Variants in FAM107B observed in about 807,000 individuals in gnomAD.
FAM107B encodes the protein family with sequence similarity 107 member B.
Under a neutral mutation model 31.5 loss-of-function variants are expected in FAM107B, and 21 were observed. The observed-to-expected ratio is 0.67, with a 90% CI of 0.47 to 0.96. The LOEUF (loss-of-function observed/expected upper bound fraction) is 0.96. Ranked by LOEUF, FAM107B falls within the 40% of genes least tolerant of loss-of-function variation. The pLI, the probability that FAM107B is intolerant of heterozygous loss-of-function variation, is 0.00. For synonymous variants in FAM107B, 157 were observed against 141.5 expected (o/e 1.11, Z -0.78); for missense variants, 452 against 377.1 (o/e 1.20, Z -1.64).
intron 1 of FAM107B, among the ~76,000 whole-genome samples, chr10:14,743,755 A>G (rs1439311607): frequency 2.0e-5 from 3 of 152,182 alleles, no homozygotes; most frequent in Non-Finnish European, 4.4e-5. Flanking sequence ...TGGTTACTGT[A>G]GCCTTGTAGT....
chr10:14,728,968 T>TCAAC (rs1282652745), intron 1 of FAM107B, among the ~76,000 whole-genome samples: 3 of 152,164 alleles, frequency 2.0e-5, no homozygotes, highest in Non-Finnish European at 4.4e-5. Context: ...TGTTCAATTC[T>TCAAC]CAACTCTTCA....
intron 1 of FAM107B, among the ~76,000 whole-genome samples, chr10:14,747,968 G>T (rs1465737353): frequency 1.3e-5 from 2 of 152,152 alleles, no homozygotes; most frequent in African/African-American, 4.8e-5. Context: ...GCAACCACAT[G>T]CAGCTACAGT....
intron 1 of FAM107B, among the ~76,000 whole-genome samples, chr10:14,741,280 G>A (rs1368821080): frequency 1.3e-5 from 2 of 152,168 alleles, no homozygotes; most frequent in Non-Finnish European, 2.9e-5. Flanking sequence ...AAAGGAGTAA[G>A]GCTTGGAGTG....
chr10:14,606,028 C>A (rs1158523536), intron 2 of FAM107B, among the ~76,000 whole-genome samples: 1 of 152,128 alleles, frequency 6.6e-6, no homozygotes, highest in East Asian at 1.9e-4. Context: ...TGCAAGTGAA[C>A]TTTCCAGGTG....
chr10:14,645,261 C>G (rs1299807604), intron 2 of FAM107B, among the ~76,000 whole-genome samples: 1 of 152,162 alleles, frequency 6.6e-6, no homozygotes, highest in Non-Finnish European at 1.5e-5. Context: ...ACTTATTTGG[C>G]TACAAAAAGC....
At chr10:14,603,707 G>C (rs1164822230) in intron 2 of FAM107B, among the ~76,000 whole-genome samples, 1 of 152,204 alleles carries the variant, frequency 6.6e-6, no homozygotes, top group Non-Finnish European at 1.5e-5. Flanking sequence ...GGGAGAAAGA[G>C]AAGAGGCAAA....
At chr10:14,553,173 C>T (rs1849412232) in intron 2 of FAM107B, 1 of 242,090 alleles carries the variant, frequency 4.1e-6, no homozygotes, top group Admixed American at 5.8e-5. Context: ...ATAATCTCAA[C>T]TCTTTTTACC....
intron 2 of FAM107B, among the ~76,000 whole-genome samples, chr10:14,667,333 G>A (rs1854427702): frequency 1.3e-5 from 2 of 152,056 alleles, no homozygotes; most frequent in Non-Finnish European, 2.9e-5. Context: ...TTAGTTTAGC[G>A]TTACTGAATT....
chr10:14,722,597 A>C (rs1214772475), intron 1 of FAM107B, among the ~76,000 whole-genome samples: 1 of 152,156 alleles, frequency 6.6e-6, no homozygotes, highest in Non-Finnish European at 1.5e-5. Flanking sequence ...TTGTCATGTA[A>C]TTCTTGGCCA....
At chr10:14,629,430 ATATATTATATATATAT>A (rs1853280108) in intron 2 of FAM107B, among the ~76,000 whole-genome samples, 2 of 9,722 alleles carry the variant, frequency 2.1e-4, no homozygotes, top group African/African-American at 1.3e-3. Context: ...TATATATAAT[ATATATTATATATATAT>A]TATATATATA....
Position 14,588,318 on chromosome 10 carries a change from A to C in FAM107B, c.470-57803T>G, listed in dbSNP as rs544548916. ...GTAAGTAGGAAACAGGAAGCTCACA[A>C]AGAATTGTAATTTAGAAGCATTTAA... is the stretch of plus-strand genomic sequence containing the variant. On this transcript the variant is annotated intron_variant, in intron 2 of 4. Transcript: ENST00000181796. 4.1e-4 allele frequency among the ~76,000 whole-genome samples: 62 copies of C among 152,330 alleles called. 1 individual carries two copies. The South Asian group carries it at 9.3e-3, about 23-fold the overall frequency.
At chr10:14,656,493 G>A (rs1386632577) in intron 2 of FAM107B, among the ~76,000 whole-genome samples, 2 of 152,218 alleles carry the variant, frequency 1.3e-5, no homozygotes, top group Non-Finnish European at 2.9e-5. Flanking sequence ...AAGGAGAGGT[G>A]CACTCCAAGG....
intron 2 of FAM107B, among the ~76,000 whole-genome samples, chr10:14,611,523 TA>T (rs1564599741): frequency 1.5e-4 from 15 of 101,506 alleles, no homozygotes; most frequent in African/African-American, 5.3e-4. Context: ...TATATATATA[TA>T]TATATTCACC....
At chr10:14,766,817 T>A (rs1833171328) in intron 1 of FAM107B, among the ~76,000 whole-genome samples, 1 of 150,490 alleles carries the variant, frequency 6.6e-6, no homozygotes, top group African/African-American at 2.4e-5. Context: ...TCAAACACTG[T>A]ACAACAACAA....
intron 2 of FAM107B, among the ~76,000 whole-genome samples, chr10:14,659,190 TA>T (rs67719978): frequency 0.11 from 16,054 of 152,030 alleles, 957 homozygotes; most frequent in Non-Finnish European, 0.14. Flanking sequence ...CCTGTAATCC[TA>T]GCACTTTGGG....
chr10:14,651,728 C>T (rs934971492), intron 2 of FAM107B, among the ~76,000 whole-genome samples: 2 of 152,190 alleles, frequency 1.3e-5, no homozygotes, highest in Admixed American at 1.3e-4. Context: ...ATTTGACTTG[C>T]ACCCTCAAGG....
At chr10:14,642,911 T>C (rs1853664054) in intron 2 of FAM107B, among the ~76,000 whole-genome samples, 1 of 152,214 alleles carries the variant, frequency 6.6e-6, no homozygotes. Context: ...CAATCCTCAT[T>C]TCTGAGACCT....
At chr10:14,689,387 A>G (rs1234358871) in intron 1 of FAM107B, among the ~76,000 whole-genome samples, 1 of 151,522 alleles carries the variant, frequency 6.6e-6, no homozygotes, top group Non-Finnish European at 1.5e-5. Context: ...CTCAAAAAAA[A>G]AAAAAAAGAA....
intron 1 of FAM107B, among the ~76,000 whole-genome samples, chr10:14,685,616 AT>A (rs1325565418): frequency 1.3e-5 from 2 of 152,174 alleles, no homozygotes; most frequent in African/African-American, 2.4e-5. Flanking sequence ...TGTCACTTAC[AT>A]AAAGTTCAGA....
Sources: allele counts gnomAD v4.1 joint callset (sites outside exome capture counted in the v4.1 genomes callset), GRCh38; gene constraint gnomAD v4.1.1; transcripts MANE v1.5; gene names NCBI Gene and HGNC (gene_info 2026-07-23, HGNC 2026-07-21).